KPNB1: variants seen among roughly 807,000 people sequenced by gnomAD.
The protein encoded by KPNB1 is karyopherin subunit beta 1.
Under a neutral mutation model 113.0 loss-of-function variants are expected in KPNB1, and 7 were observed. That is an observed-to-expected ratio of 0.06 (90% CI 0.04 to 0.12). The LOEUF (loss-of-function observed/expected upper bound fraction) is 0.12, where lower values mean the gene tolerates loss of function less well. KPNB1 is among the 10% of genes least tolerant of loss of function. The probability of loss-of-function intolerance (pLI) is 1.00; values close to 1 mark genes in which losing one functional copy is unlikely to be tolerated. For missense variants in KPNB1, 400 were observed against 1,054.8 expected (o/e 0.38, Z 8.60); for synonymous variants, 363 against 378.6 (o/e 0.96, Z 0.48).
chr17:47,675,794 G>A (rs141289648), intron 15 of KPNB1, among the ~76,000 whole-genome samples: 1 of 152,300 alleles, frequency 6.6e-6, no homozygotes, highest in Non-Finnish European at 1.5e-5. Flanking sequence ...GGGGTGGCCT[G>A]TAAGTACATT....
chr17:47,666,534 A>G (rs2030286300), intron 9 of KPNB1, among the ~76,000 whole-genome samples: 1 of 101,538 alleles, frequency 9.8e-6, no homozygotes, highest in African/African-American at 3.3e-5. Flanking sequence ...GTATTATGTT[A>G]TATATTATAT....
At position 47,674,643 on chromosome 17, in the gene KPNB1, T is replaced by C. The variant is rs1183382857; in HGVS notation, c.1773T>C (p.Val591=). ...QSLLCATLQN[V]LRKVQHQDAL... ...AACTCTTACTCATTTCACAGAATGT[T>C]CTTCGGAAAGTGCAACATCAAGATG... The change falls in exon 15 of 22, where the codon GTT becomes GTC. Residue 591 remains valine (V), a synonymous_variant. Transcript: ENST00000290158. 6.2e-6 allele frequency: 10 copies of C among 1,613,354 alleles called. No individual in the cohort carries two copies. The South Asian group carries it at 7.7e-5, about 12-fold the overall frequency.
chr17:47,672,166 T>C (rs1329314082), intron 12 of KPNB1, among the ~76,000 whole-genome samples: 1 of 152,036 alleles, frequency 6.6e-6, no homozygotes, highest in Non-Finnish European at 1.5e-5. Context: ...CCAACATGCC[T>C]GGCTAATTTT....
chr17:47,650,951 A>G (rs1197256847), intron 2 of KPNB1, among the ~76,000 whole-genome samples: 1 of 152,062 alleles, frequency 6.6e-6, no homozygotes, highest in Non-Finnish European at 1.5e-5. Context: ...ACTCATGGCC[A>G]GGCCTGGCAC....
chr17:47,682,261 G>A, intron 21 of KPNB1, 143 bp from the exon 22 acceptor site: 1 of 714,700 alleles, frequency 1.4e-6, no homozygotes. Context: ...TGGCACATAG[G>A]ACAAGAAGAA....
At chr17:47,674,508 A>G (rs1241897608) in intron 14 of KPNB1, 130 bp from the exon 15 acceptor site, 1 of 822,026 alleles carries the variant, frequency 1.2e-6, no homozygotes, top group Non-Finnish European at 1.9e-6. Context: ...GTTTTTGTGT[A>G]TAAAATACAT....
chr17:47,664,721 T>A (rs1481082862), intron 8 of KPNB1, among the ~76,000 whole-genome samples: 2 of 152,352 alleles, frequency 1.3e-5, no homozygotes, highest in East Asian at 3.9e-4. Context: ...CACACTTTTA[T>A]TTCAGGACAA....
At chr17:47,665,195 G>A (rs1252978731) in intron 9 of KPNB1, 37 bp downstream of exon 9, 1 of 1,497,520 alleles carries the variant, frequency 6.7e-7, no homozygotes, top group African/African-American at 1.4e-5. Context: ...GTAAGCTGTG[G>A]AACCTTACTA....
chr17:47,650,325 G>A, intron 1 of KPNB1, 41 bp downstream of exon 1: 2 of 1,611,316 alleles, frequency 1.2e-6, no homozygotes, highest in Non-Finnish European at 1.7e-6. Flanking sequence ...GGTGATTGGG[G>A]TGGGGGAGGG....
intron 2 of KPNB1, 76 bp downstream of exon 2, chr17:47,650,520 GC>G: frequency 7.2e-7 from 1 of 1,379,710 alleles, no homozygotes; most frequent in Non-Finnish European, 1.0e-6. Context: ...CCTCCCGGAG[GC>G]CCAGGCCTCG....
At chr17:47,675,374 T>G (rs57327438) in intron 15 of KPNB1, among the ~76,000 whole-genome samples, 1 of 114,288 alleles carries the variant, frequency 8.7e-6, no homozygotes, top group African/African-American at 4.1e-5. Context: ...TTTTTTTTGT[T>G]TTTTTTTTTT....
chr17:47,652,718 A>G lies in KPNB1; in HGVS notation c.124A>G (p.Arg42Gly), dbSNP rs780093774. 2.5e-6 allele frequency: 4 copies of G among 1,608,288 alleles called. No individual in the cohort carries two copies. The highest frequency in any genetic ancestry group is 3.4e-6 in the Non-Finnish European group (4 of 1,178,168). ...GCCCACTTTCCTTGTGGAACTGTCC[A>G]GAGTGCTGGCAAATCCAGGAAACAG... ...NLPTFLVELS[R>G]VLANPGNSQV... Residue 42 changes from arginine to glycine, a missense_variant, in exon 3 of 22, where the codon AGA becomes GGA. Transcript: ENST00000290158.
intron 2 of KPNB1, among the ~76,000 whole-genome samples, chr17:47,650,865 T>C (rs953075098): frequency 6.6e-6 from 1 of 152,254 alleles, no homozygotes; most frequent in Non-Finnish European, 1.5e-5. Context: ...CGGCTTCTCC[T>C]TCCTATCCCG....
intron 14 of KPNB1, 55 bp downstream of exon 14, chr17:47,673,616 C>T: frequency 7.6e-7 from 1 of 1,317,472 alleles, no homozygotes. Flanking sequence ...ATTAGTATCT[C>T]AGTATAACAA....
chr17:47,668,447 A>G (rs1482848304), intron 10 of KPNB1, 37 bp downstream of exon 10: 2 of 1,517,006 alleles, frequency 1.3e-6, no homozygotes, highest in Non-Finnish European at 1.8e-6. Flanking sequence ...AAAGTAGGAT[A>G]TTTATTGTTT....
intron 6 of KPNB1, chr17:47,662,298 AAAAG>A (rs2030126044): frequency 6.6e-6 from 1 of 152,420 alleles, no homozygotes; most frequent in Non-Finnish European, 1.5e-5. Context: ...CTCAAAAAAA[AAAAG>A]GACTGGCTGT....
At chr17:47,664,074 G>T in intron 7 of KPNB1, 85 bp from the exon 8 acceptor site, 14 of 689,884 alleles carry the variant, frequency 2.0e-5, no homozygotes, top group South Asian at 5.6e-5. Context: ...TCTGAAATTT[G>T]CATGTCTGTG....
rs1358427729 is a variant in KPNB1, at chr17:47,650,009, G to C, written c.-236G>C. 5.1e-6 allele frequency: 7 copies of C among 1,365,608 alleles called. No individual in the cohort carries two copies. Among genetic ancestry groups the C allele is most frequent in the South Asian group, 1.8e-5 (1 of 55,116 alleles). The allele number at this position is 1,365,608 out of a possible 1,614,324, so 84.6% of individuals were successfully genotyped here. ...ACCAGCGCGCTCTGAGCTGCCCCCAGGGTCCCTCCCCCGCCGCCAGCAGCC... is the reference window on the plus strand; with the variant it reads ...ACCAGCGCGCTCTGAGCTGCCCCCACGGTCCCTCCCCCGCCGCCAGCAGCC... On this transcript the variant is annotated 5_prime_UTR_variant, in exon 1 of 22. Coordinates refer to ENST00000290158, the MANE Select transcript of KPNB1 (RefSeq NM_002265.6).
intron 4 of KPNB1, among the ~76,000 whole-genome samples, chr17:47,657,805 G>A (rs752634861): frequency 6.6e-6 from 1 of 152,206 alleles, no homozygotes; most frequent in Non-Finnish European, 1.5e-5. Context: ...TTCAGTTCTG[G>A]ATTGCCAGTA....
Sources: allele counts gnomAD v4.1 joint callset (sites outside exome capture counted in the v4.1 genomes callset), GRCh38; gene constraint gnomAD v4.1.1; transcripts MANE v1.5; gene names NCBI Gene and HGNC (gene_info 2026-07-23, HGNC 2026-07-21).